Variants in EXOC4 observed in about 807,000 individuals in gnomAD.
EXOC4 encodes the protein exocyst complex component 4, also known as SEC8-like 1.
EXOC4 carries 71 observed loss-of-function variants against 107.2 expected under a neutral mutation model. That is an observed-to-expected ratio of 0.66 (90% CI 0.55 to 0.81). The LOEUF is 0.81. Ranked by LOEUF, EXOC4 falls within the 30% of genes least tolerant of loss-of-function variation. EXOC4 has a pLI of 0.00. For missense variants in EXOC4, 1,108 were observed against 1,189.6 expected (o/e 0.93, Z 1.01); for synonymous variants, 456 against 441.2 (o/e 1.03, Z -0.42).
At chr7:133,424,835 T>C (rs957577163) in intron 7 of EXOC4, among the ~76,000 whole-genome samples, 3 of 152,184 alleles carry the variant, frequency 2.0e-5, no homozygotes, top group African/African-American at 7.2e-5. Context: ...GATCAATAGA[T>C]GAGACATTTA....
intron 5 of EXOC4, among the ~76,000 whole-genome samples, chr7:133,338,647 G>A (rs1220651071): frequency 6.7e-6 from 1 of 150,366 alleles, no homozygotes; most frequent in Non-Finnish European, 1.5e-5. Flanking sequence ...AGTTTTTGGG[G>A]AACAGGTGGT....
intron 10 of EXOC4, among the ~76,000 whole-genome samples, chr7:133,677,456 CT>C (rs1794089421): frequency 6.6e-6 from 1 of 151,914 alleles, no homozygotes; most frequent in South Asian, 2.1e-4. Context: ...ATTGTGTACA[CT>C]TAAAAAAAAG....
chr7:133,979,656 C>T lies in EXOC4; in HGVS notation c.2207-17836C>T, dbSNP rs1002156394. On this transcript the variant is annotated intron_variant, in intron 14 of 17. Transcript: ENST00000253861. The stretch of plus-strand genomic sequence containing the variant: ...CAAAAAAATTAGCCGGGCATGGTGG[C>T]GGGCGCCTGTAGTCCCAGCTACTCG... Among the ~76,000 whole-genome samples the T allele has an allele frequency of 2.6e-5, 4 of 152,052 alleles. No individual in the cohort carries two copies. In the East Asian group the frequency reaches 5.8e-4, roughly 22 times the overall value.
At chr7:133,810,606 T>C (rs1277821016) in intron 10 of EXOC4, among the ~76,000 whole-genome samples, 1 of 139,114 alleles carries the variant, frequency 7.2e-6, no homozygotes, top group Non-Finnish European at 1.6e-5. Flanking sequence ...CTTTATTTTA[T>C]TTTATTTTAT....
chr7:133,827,856 A>G (rs1342177992), intron 11 of EXOC4, among the ~76,000 whole-genome samples: 1 of 152,212 alleles, frequency 6.6e-6, no homozygotes, highest in African/African-American at 2.4e-5. Context: ...ACACTTGTTT[A>G]CCAGTTTTGC....
intron 14 of EXOC4, among the ~76,000 whole-genome samples, chr7:133,978,839 G>C (rs185902568): frequency 6.6e-6 from 1 of 152,152 alleles, no homozygotes; most frequent in South Asian, 2.1e-4. Flanking sequence ...CAGCTTTTGG[G>C]AGTACATCTC....
chr7:133,792,842 A>G (rs1009025232), intron 10 of EXOC4, among the ~76,000 whole-genome samples: 1 of 152,188 alleles, frequency 6.6e-6, no homozygotes, highest in African/African-American at 2.4e-5. Flanking sequence ...TCGTTCTTCA[A>G]GAAAAGGTAC....
intron 9 of EXOC4, among the ~76,000 whole-genome samples, chr7:133,502,314 T>C (rs1402732589): frequency 1.3e-5 from 2 of 151,954 alleles, no homozygotes; most frequent in African/African-American, 4.8e-5. Flanking sequence ...CTATGCACAA[T>C]ATCTGTTGTA....
In EXOC4 at chr7:133,629,976, A is replaced by G. The variant is rs79741415; in HGVS notation, c.1418-69A>G. 8,371 of 1,109,876 alleles carry G rather than the reference A, an allele frequency of 7.5e-3. 444 individuals are homozygous for G. The African/African-American group carries it at 0.11, about 15-fold the overall frequency. 68.8% of individuals were successfully genotyped at this position (1,109,876 alleles called of 1,614,324 possible). A position where few individuals can be genotyped will look rare whatever the true frequency, so the allele number is the denominator to read the frequency against. Reference sequence around the variant, plus strand: ...TTATGACAGTATAGGACTCATCTAGATATGCTTGGTTTGTTTATTTATAAA... The same window carrying G: ...TTATGACAGTATAGGACTCATCTAGGTATGCTTGGTTTGTTTATTTATAAA... On this transcript the variant is annotated intron_variant, in intron 9 of 17. Coordinates refer to ENST00000253861, the MANE Select transcript of EXOC4 (RefSeq NM_021807.4).
In EXOC4 at chr7:133,811,358, G is replaced by A. The variant is rs116548045; in HGVS notation, c.1515-5967G>A. 2.4e-3 allele frequency among the ~76,000 whole-genome samples: 360 copies of A among 152,202 alleles called. 5 individuals carry two copies. Among genetic ancestry groups the A allele is most frequent in the African/African-American group, 8.1e-3 (336 of 41,518 alleles). ...CATAGAGCTAATGAGGAGCATTGTT[G>A]GGAAAATTGGGCTTTTTGATTATTC... On this transcript the variant is annotated intron_variant, in intron 10 of 17. Transcript: ENST00000253861.
At chr7:133,705,223 C>T (rs1183275876) in intron 10 of EXOC4, among the ~76,000 whole-genome samples, 3 of 151,882 alleles carry the variant, frequency 2.0e-5, no homozygotes, top group African/African-American at 7.3e-5. Flanking sequence ...AAAAATTAGC[C>T]AGGTGTGGTG....
intron 10 of EXOC4, among the ~76,000 whole-genome samples, chr7:133,748,647 A>G (rs896398813): frequency 1.3e-5 from 2 of 152,216 alleles, no homozygotes; most frequent in Non-Finnish European, 2.9e-5. Context: ...AGAGAAATCC[A>G]TGTACAGGCT....
intron 10 of EXOC4, among the ~76,000 whole-genome samples, chr7:133,670,248 C>A (rs919391161): frequency 6.6e-6 from 1 of 152,212 alleles, no homozygotes; most frequent in Non-Finnish European, 1.5e-5. Flanking sequence ...TCTAGCCATG[C>A]AGCTTTGTGA....
chr7:133,951,176 C>T (rs1474466524), intron 14 of EXOC4, among the ~76,000 whole-genome samples: 2 of 152,196 alleles, frequency 1.3e-5, no homozygotes, highest in Non-Finnish European at 2.9e-5. Flanking sequence ...GACTTTCTCT[C>T]CCTTGACCCA....
chr7:133,666,868 A>G (rs1793828518), intron 10 of EXOC4, among the ~76,000 whole-genome samples: 1 of 152,204 alleles, frequency 6.6e-6, no homozygotes, highest in Admixed American at 6.5e-5. Flanking sequence ...CCAGATAAGT[A>G]TCATCTCTCT....
chr7:133,402,628 A>G (rs1469263302), intron 7 of EXOC4, among the ~76,000 whole-genome samples: 1 of 152,094 alleles, frequency 6.6e-6, no homozygotes, highest in East Asian at 1.9e-4. Flanking sequence ...CCTCCCAAAT[A>G]GCTGGGATTA....
intron 9 of EXOC4, among the ~76,000 whole-genome samples, chr7:133,608,652 C>A (rs530090714): frequency 6.9e-6 from 1 of 144,642 alleles, no homozygotes; most frequent in African/African-American, 2.6e-5. Context: ...CTGGTTCAAG[C>A]GATTCTCCTG....
chr7:133,305,831 G>T, intron 3 of EXOC4, 46 bp from the exon 4 acceptor site: 2 of 1,425,560 alleles, frequency 1.4e-6, no homozygotes, highest in Non-Finnish European at 1.9e-6. Context: ...ATATTGCCAG[G>T]TTATTAAGTT....
chr7:133,892,895 A>T (rs1023348512), intron 11 of EXOC4, among the ~76,000 whole-genome samples: 7 of 138,102 alleles, frequency 5.1e-5, no homozygotes, highest in African/African-American at 2.1e-4. Flanking sequence ...AAAAAAATGT[A>T]TATTCTGTTG....
Sources: allele counts gnomAD v4.1 joint callset (sites outside exome capture counted in the v4.1 genomes callset), GRCh38; gene constraint gnomAD v4.1.1; transcripts MANE v1.5; gene names NCBI Gene and HGNC (gene_info 2026-07-23, HGNC 2026-07-21).